Variants in NAPA observed in about 807,000 individuals in gnomAD.
The protein encoded by NAPA is alpha-soluble NSF attachment protein.
Under a neutral mutation model 48.0 loss-of-function variants are expected in NAPA, and 18 were observed. That is an observed-to-expected ratio of 0.38 (90% CI 0.26 to 0.56). NAPA has a LOEUF of 0.56. NAPA is among the 20% of genes least tolerant of loss of function. The pLI, the probability that NAPA is intolerant of heterozygous loss-of-function variation, is 0.77. For missense variants in NAPA, 315 were observed against 385.0 expected (o/e 0.82, Z 1.52); for synonymous variants, 152 against 149.9 (o/e 1.01, Z -0.10).
intron 1 of NAPA, among the ~76,000 whole-genome samples, chr19:47,511,244 A>G (rs1206469994): frequency 8.5e-5 from 13 of 152,228 alleles, no homozygotes; most frequent in Admixed American, 8.5e-4. Flanking sequence ...GTTGAACACA[A>G]GCAAACCCAG....
chr19:47,497,514 G>A (rs1308498890), intron 3 of NAPA: 1 of 152,492 alleles, frequency 6.6e-6, no homozygotes, highest in East Asian at 1.9e-4. Context: ...ACTCATGACT[G>A]CTACTCTTAT....
At chr19:47,508,681 A>T (rs1441517043) in intron 1 of NAPA, among the ~76,000 whole-genome samples, 3 of 150,294 alleles carry the variant, frequency 2.0e-5, no homozygotes, top group Admixed American at 1.3e-4. Context: ...TTTTTTTTTT[A>T]AATAAGAGAT....
At chr19:47,505,896 A>G (rs1219910199) in intron 1 of NAPA, among the ~76,000 whole-genome samples, 1 of 151,708 alleles carries the variant, frequency 6.6e-6, no homozygotes, top group Non-Finnish European at 1.5e-5. Context: ...GCCCTGAGCA[A>G]TGTGTTCTTC....
At chr19:47,502,971 A>C (rs1968612522) in intron 2 of NAPA, among the ~76,000 whole-genome samples, 1 of 152,150 alleles carries the variant, frequency 6.6e-6, no homozygotes, top group African/African-American at 2.4e-5. Context: ...TTATAGACTG[A>C]CCCTTAGGGC....
intron 1 of NAPA, among the ~76,000 whole-genome samples, chr19:47,503,864 G>A (rs751044212): frequency 6.6e-6 from 1 of 152,222 alleles, no homozygotes; most frequent in African/African-American, 2.4e-5. Context: ...CTTTCCCCGG[G>A]AGACTGCAAA....
intron 7 of NAPA, 192 bp downstream of exon 7, chr19:47,492,769 T>C: frequency 1.4e-6 from 1 of 690,512 alleles, no homozygotes; most frequent in Non-Finnish European, 2.6e-6. Flanking sequence ...TGGCACGGCA[T>C]GGAGTCGTAG....
At chr19:47,511,932 G>A (rs1383243110) in intron 1 of NAPA, among the ~76,000 whole-genome samples, 2 of 152,118 alleles carry the variant, frequency 1.3e-5, no homozygotes, top group African/African-American at 2.4e-5. Context: ...ACAGGAGCTC[G>A]CCAGGATGGG....
intron 9 of NAPA, 54 bp from the exon 10 acceptor site, chr19:47,489,815 C>T: frequency 1.3e-6 from 2 of 1,597,324 alleles, no homozygotes; most frequent in Admixed American, 1.7e-5. Flanking sequence ...TGAGGTCTGG[C>T]CTGGATTAGA....
chr19:47,487,091 G>T (rs1968094564), downstream of NAPA, among the ~76,000 whole-genome samples: 1 of 152,142 alleles, frequency 6.6e-6, no homozygotes, highest in South Asian at 2.1e-4. Flanking sequence ...GGAGGCAGCT[G>T]GTTTCTGCCC....
At chr19:47,492,280 G>C (rs1968290986) in intron 7 of NAPA, 161 bp from the exon 8 acceptor site, 1 of 625,456 alleles carries the variant, frequency 1.6e-6, no homozygotes, top group South Asian at 1.9e-5. Context: ...GACCAGCTTG[G>C]AGAGGTCAGC....
rs777806131 is a variant in NAPA, at chr19:47,493,138, TGTAGTA to T, written c.451_456del (p.Tyr151_Tyr152del). ...GGCTACCTGTTGGACTCCTCGCCTT[TGTAGTA>T]GTCTGCAGACTGCTCGTAGTGGGCA... On this transcript the variant is annotated inframe_deletion, in exon 6 of 11. Coordinates refer to ENST00000263354, the MANE Select transcript of NAPA (RefSeq NM_003827.4). This position sits in a 1 kb window ranked among gnomAD's most constrained non-coding sequence, Gnocchi z 6.4. 6.2e-7 allele frequency: 1 copy of T among 1,610,690 alleles called. No individual in the cohort carries two copies. The highest frequency in any genetic ancestry group is 8.5e-7 in the Non-Finnish European group (1 of 1,178,176).
chr19:47,504,373 C>T (rs1270368509), intron 1 of NAPA, among the ~76,000 whole-genome samples: 2 of 120,782 alleles, frequency 1.7e-5, no homozygotes, highest in African/African-American at 3.2e-5. Flanking sequence ...CCAGCCTGGA[C>T]GACGACAGAG....
intron 2 of NAPA, among the ~76,000 whole-genome samples, chr19:47,502,241 A>G (rs1968594609): frequency 1.5e-5 from 2 of 131,848 alleles, no homozygotes; most frequent in East Asian, 4.1e-4. Flanking sequence ...CTGTCTCAAA[A>G]AAAAAAAAAA....
At chr19:47,492,559 G>T in intron 7 of NAPA, 1 of 404,344 alleles carries the variant, frequency 2.5e-6, no homozygotes, top group African/African-American at 2.0e-5. Flanking sequence ...ACGCTGGGGG[G>T]ACCCCATGTG....
At chr19:47,502,460 G>A (rs147859709) in intron 2 of NAPA, among the ~76,000 whole-genome samples, 240 of 152,116 alleles carry the variant, frequency 1.6e-3, no homozygotes, top group African/African-American at 5.3e-3. Context: ...TATTCACAAC[G>A]TATTTTGTGA....
downstream of NAPA, chr19:47,487,517 A>T (rs1486045145): frequency 6.6e-6 from 1 of 152,288 alleles, no homozygotes; most frequent in South Asian, 2.1e-4. Context: ...ACGTGTTTCA[A>T]GGATGCATGC....
At chr19:47,490,062 TGTGTGTGTGTGTG>T (rs950511891) in intron 9 of NAPA, among the ~76,000 whole-genome samples, 3 of 142,950 alleles carry the variant, frequency 2.1e-5, no homozygotes, top group African/African-American at 5.2e-5. Flanking sequence ...GTGGTGGAGG[TGTGTGTGTGTGTG>T]GTGTGTGTGT....
At chr19:47,500,218 C>T (rs917002782) in intron 3 of NAPA, among the ~76,000 whole-genome samples, 2 of 152,158 alleles carry the variant, frequency 1.3e-5, no homozygotes, top group African/African-American at 4.8e-5. Flanking sequence ...GCTCCTTTTT[C>T]GGCAGCAACT....
chr19:47,492,119 C>A lies in NAPA; in HGVS notation c.562G>T (p.Val188Leu). The part of the protein sequence containing the change: ...YQKAIDIYEQ[V>L]GTNAMDSPLL... ...GGGCTGTCCATGGCATTGGTCCCCA[C>A]CTGTAGCCATGGAGAAGTGGCACTG... Residue 188 changes from valine to leucine, a missense_variant and splice_region_variant, in exon 8 of 11, where the codon GTG becomes TTG. Around this residue, in one of 3 missense-constraint regions of NAPA, gnomAD observed 137 missense variants for 150.1 expected, o/e 0.91. Transcript: ENST00000263354. The A allele has an allele frequency of 2.5e-6, 4 of 1,613,338 alleles. No individual in the cohort carries two copies. The highest frequency in any genetic ancestry group is 3.4e-6 in the Non-Finnish European group (4 of 1,179,460).
Sources: allele counts gnomAD v4.1 joint callset (sites outside exome capture counted in the v4.1 genomes callset), GRCh38; gene constraint gnomAD v4.1.1; regional missense constraint gnomAD v4.1.1; non-coding constraint Gnocchi (gnomAD v3.1); transcripts MANE v1.5; gene names NCBI Gene and HGNC (gene_info 2026-07-23, HGNC 2026-07-21).